Variants in MTHFD1 observed in about 807,000 individuals in gnomAD.
MTHFD1 encodes C-1-tetrahydrofolate synthase, cytoplasmic.
Under a neutral mutation model 110.3 loss-of-function variants are expected in MTHFD1, and 44 were observed. The ratio of observed to expected loss-of-function variants is 0.40; its 90% CI spans 0.31 to 0.51. The LOEUF (loss-of-function observed/expected upper bound fraction) is 0.51, where lower values mean the gene tolerates loss of function less well. MTHFD1 is among the 20% of genes least tolerant of loss of function. MTHFD1 has a pLI of 0.60. For missense variants in MTHFD1, 909 were observed against 1,173.1 expected, an observed-to-expected ratio of 0.77 and a Z score of 3.29; for synonymous variants, 402 against 428.8, an observed-to-expected ratio of 0.94 and a Z score of 0.77.
At chr14:64,443,099 A>T (rs2078261009) in intron 21 of MTHFD1, among the ~76,000 whole-genome samples, 1 of 152,210 alleles carries the variant, frequency 6.6e-6, no homozygotes, top group Non-Finnish European at 1.5e-5. Context: ...AGGAGCTTGT[A>T]TTATAACTTA....
At chr14:64,390,488 C>T (rs989630914) in intron 1 of MTHFD1, 1 of 151,922 alleles carries the variant, frequency 6.6e-6, no homozygotes, top group Non-Finnish European at 1.5e-5. Flanking sequence ...TCACGCCTAG[C>T]TAATTTTTTT....
chr14:64,450,579 G>T (rs2078354645), intron 24 of MTHFD1, among the ~76,000 whole-genome samples: 1 of 152,194 alleles, frequency 6.6e-6, no homozygotes, highest in South Asian at 2.1e-4. Context: ...TATCTGTCCA[G>T]TGTATTTCAG....
rs768985677 is a variant in MTHFD1, at chr14:64,431,787, G to T, written c.1420G>T (p.Ala474Ser). ...TTAAAGCCCCTTTCTTTTCTTTAAG[G>T]CTCTCTTTAATCGTTTGGTGCCATC... Reference protein sequence around the residue: ...IFHELTQTDKALFNRLVPSVN... With the variant: ...IFHELTQTDKSLFNRLVPSVN... Residue 474 changes from alanine to serine, a missense_variant and splice_region_variant, in exon 15 of 28, where the codon GCT (alanine) becomes TCT (serine). By Grantham distance (99) the Ala-to-Ser change is moderately conservative. This residue lies in a region of MTHFD1 where 482 missense variants were observed against 646.0 expected (regional missense o/e 0.75). Coordinates refer to ENST00000652337, the MANE Select transcript of MTHFD1 (RefSeq NM_005956.4). The T allele has an allele frequency of 1.2e-6, 2 of 1,613,946 alleles. No homozygotes were observed. The highest frequency in any genetic ancestry group is 1.3e-5 in the African/African-American group (1 of 74,926).
chr14:64,448,579 G>A (rs2078316224), intron 23 of MTHFD1: 1 of 489,566 alleles, frequency 2.0e-6, no homozygotes, highest in Non-Finnish European at 3.7e-6. Context: ...GAAGTTCAAT[G>A]TTCCTTTTTC....
intron 1 of MTHFD1, among the ~76,000 whole-genome samples, chr14:64,397,378 T>C (rs12591015): frequency 0.93 from 138,826 of 149,662 alleles, 64,648 homozygotes; most frequent in Middle Eastern, 0.98. Flanking sequence ...CTGCAACCTC[T>C]GCCTCCCGGG....
intron 18 of MTHFD1, chr14:64,440,703 T>A (rs2140974526): frequency 3.8e-6 from 1 of 262,594 alleles, no homozygotes; most frequent in Non-Finnish European, 7.5e-6. Flanking sequence ...CATATTGAGT[T>A]TGGTATTTAT....
At chr14:64,431,903 C>G (rs1026136515) in intron 15 of MTHFD1, 42 bp downstream of exon 15, 1 of 1,539,720 alleles carries the variant, frequency 6.5e-7, no homozygotes, top group African/African-American at 1.4e-5. Flanking sequence ...TGTATGGAAT[C>G]TGGAATCTGA....
Position 64,431,608 on chromosome 14 carries a change from G to A in MTHFD1, c.1388G>A (p.Arg463Gln), listed in dbSNP as rs775703491. Residue 463 changes from arginine (R) to glutamine (Q), a missense_variant, in exon 14 of 28, where the codon CGG becomes CAG. Physicochemically the swap from Arg to Gln is conservative, Grantham distance 43 (BLOSUM62 1). Around this residue, in one of 3 missense-constraint regions of MTHFD1, gnomAD observed 482 missense variants for 646.0 expected, o/e 0.75. Transcript: ENST00000652337. The part of the protein sequence containing the change: ...NNLVAAAIDA[R>Q]IFHELTQTDK... ...CTCGTTGCTGCGGCCATTGATGCTC[G>A]GATATTTCATGAACTGACCCAGACA... The A allele has an allele frequency of 3.1e-6, 5 of 1,613,988 alleles. No homozygotes were observed. The highest frequency in any genetic ancestry group is 2.2e-5 in the East Asian group (1 of 44,892).
chr14:64,391,362 G>A (rs866694144), intron 1 of MTHFD1, among the ~76,000 whole-genome samples: 1 of 151,748 alleles, frequency 6.6e-6, no homozygotes, highest in South Asian at 2.1e-4. Context: ...ATGGGGTTTC[G>A]CCATGTTGGT....
chr14:64,416,974 GAAA>G (rs150373495), intron 6 of MTHFD1, among the ~76,000 whole-genome samples: 1 of 151,754 alleles, frequency 6.6e-6, no homozygotes, highest in East Asian at 1.9e-4. Context: ...ATCTTTTTCT[GAAA>G]AAAAATGATT....
At chr14:64,416,629 A>G (rs1280612177) in intron 6 of MTHFD1, among the ~76,000 whole-genome samples, 1 of 152,232 alleles carries the variant, frequency 6.6e-6, no homozygotes, top group Non-Finnish European at 1.5e-5. Flanking sequence ...GTAGGTCAGA[A>G]GTTTCAAGTG....
chr14:64,431,936 C>A, intron 15 of MTHFD1, 75 bp downstream of exon 15: 1 of 1,300,884 alleles, frequency 7.7e-7, no homozygotes, highest in South Asian at 1.2e-5. Context: ...ACATAAAAGT[C>A]TTCTTGGAGT....
intron 1 of MTHFD1, among the ~76,000 whole-genome samples, chr14:64,400,447 T>G (rs906771332): frequency 6.6e-6 from 1 of 152,082 alleles, no homozygotes; most frequent in African/African-American, 2.4e-5. Context: ...CCCAGCACTT[T>G]GGGAGGCCGA....
chr14:64,398,907 G>A (rs2077876902), intron 1 of MTHFD1, among the ~76,000 whole-genome samples: 1 of 152,190 alleles, frequency 6.6e-6, no homozygotes, highest in Non-Finnish European at 1.5e-5. Context: ...ACATCCTAGT[G>A]TATTGTTGAG....
chr14:64,404,012 C>T (rs1378370347), intron 2 of MTHFD1, among the ~76,000 whole-genome samples: 2 of 152,146 alleles, frequency 1.3e-5, no homozygotes, highest in Non-Finnish European at 2.9e-5. Flanking sequence ...GTCTTACACA[C>T]CATTGCTTTT....
chr14:64,448,007 T>A, intron 22 of MTHFD1: 2 of 598,648 alleles, frequency 3.3e-6, no homozygotes, highest in East Asian at 5.8e-5. Context: ...TACTCTAGTG[T>A]CATAGGCTGG....
At chr14:64,439,304 G>T (rs901638531) in intron 17 of MTHFD1, 132 bp downstream of exon 17, 1 of 738,452 alleles carries the variant, frequency 1.4e-6, no homozygotes, top group Non-Finnish European at 2.4e-6. Flanking sequence ...TAAAATGGAA[G>T]TGAGTAGGTG....
intron 1 of MTHFD1, among the ~76,000 whole-genome samples, chr14:64,400,349 T>C: frequency 6.7e-6 from 1 of 149,840 alleles, no homozygotes; most frequent in South Asian, 2.1e-4. Context: ...GATCGCACCA[T>C]TGCACTCCAG....
chr14:64,388,435 C>A lies in MTHFD1; in HGVS notation c.8C>A (p.Pro3Gln). Residue 3 changes from proline to glutamine, a missense_variant, in exon 1 of 28, where the codon CCA becomes CAA. Physicochemically the swap from Pro to Gln is moderately conservative, Grantham distance 76 (BLOSUM62 -1). Coordinates refer to ENST00000652337, the MANE Select transcript of MTHFD1 (RefSeq NM_005956.4). MAPAEILNGKEIS... is the reference protein window; with the variant it reads MAQAEILNGKEIS... Reference sequence around the variant, plus strand: ...AGCGGACTAATAAAGGCCATGGCGCCAGCAGAAATCCTGAACGGGAAGGAG... The same window carrying A: ...AGCGGACTAATAAAGGCCATGGCGCAAGCAGAAATCCTGAACGGGAAGGAG... The A allele has an allele frequency of 1.2e-6, 2 of 1,614,148 alleles. No homozygotes were observed. The highest frequency in any genetic ancestry group is 1.7e-6 in the Non-Finnish European group (2 of 1,180,036).
Sources: allele counts gnomAD v4.1 joint callset (sites outside exome capture counted in the v4.1 genomes callset), GRCh38; gene constraint gnomAD v4.1.1; regional missense constraint gnomAD v4.1.1; transcripts MANE v1.5; gene names NCBI Gene and HGNC (gene_info 2026-07-23, HGNC 2026-07-21).